The following IQSEC1 variants were observed in gnomAD, a reference collection of about 807,000 sequenced individuals.
IQSEC1 encodes the protein IQ motif and Sec7 domain ArfGEF 1.
A neutral mutation model predicts 91.0 loss-of-function variants in IQSEC1; 31 were observed. The observed-to-expected ratio is 0.34, with a 90% CI of 0.26 to 0.46. The LOEUF (loss-of-function observed/expected upper bound fraction) is 0.46. IQSEC1 is among the 20% of genes least tolerant of loss of function. The probability of loss-of-function intolerance (pLI) is 1.00; values close to 1 mark genes in which losing one functional copy is unlikely to be tolerated. For synonymous variants in IQSEC1, 699 were observed against 662.6 expected (o/e 1.05, Z -0.84); for missense variants, 1,388 against 1,575.6 (o/e 0.88, Z 2.02).
rs1347501569 is a variant in IQSEC1 at position 12,967,919 on chromosome 3, G to C, written c.24-26054C>G. Reference sequence around the variant, plus strand: ...GGGGGTCAGGGGCGGGGCGTCAGGGGCGGGGCTACGCGCAGGGGCGGGGCC... The same window carrying C: ...GGGGGTCAGGGGCGGGGCGTCAGGGCCGGGGCTACGCGCAGGGGCGGGGCC... On this transcript the variant is annotated intron_variant, in intron 1 of 13. Transcript: ENST00000613206. The surrounding 1 kb of genome is among the most constrained non-coding windows in gnomAD (Gnocchi z 5.9). Among the ~76,000 whole-genome samples the C allele has an allele frequency of 6.9e-6, 1 of 144,418 alleles. No individual in the cohort carries two copies. The highest frequency in any genetic ancestry group is 2.5e-5 in the African/African-American group (1 of 40,228). The allele number at this position is 144,418 out of a possible 152,430, so 94.7% of individuals were successfully genotyped here. A position where few individuals can be genotyped will look rare whatever the true frequency, so the allele number is the denominator to read the frequency against.
chr3:13,241,717 G>A (rs530983241), intron 1 of IQSEC1, among the ~76,000 whole-genome samples: 4 of 152,384 alleles, frequency 2.6e-5, no homozygotes, highest in Non-Finnish European at 2.9e-5. Context: ...CCGTGTTTCA[G>A]AAACAGGGCT....
chr3:13,086,484 G>C (rs1559252178), intron 2 of IQSEC1, among the ~76,000 whole-genome samples: 1 of 152,168 alleles, frequency 6.6e-6, no homozygotes, highest in Non-Finnish European at 1.5e-5. Flanking sequence ...CTTTTTCCTG[G>C]GAGGGTCAGG....
At chr3:13,205,261 C>G (rs531942787) in intron 1 of IQSEC1, among the ~76,000 whole-genome samples, 24 of 152,170 alleles carry the variant, frequency 1.6e-4, no homozygotes, top group African/African-American at 5.8e-4. Context: ...CCCCCTAAAC[C>G]ACAAGGAACC....
chr3:12,906,185 G>T (rs1216808362), intron 12 of IQSEC1, among the ~76,000 whole-genome samples: 1 of 152,172 alleles, frequency 6.6e-6, no homozygotes, highest in African/African-American at 2.4e-5. Context: ...CTGCTCTCAG[G>T]GTCTCCTGCC....
chr3:13,219,178 C>T (rs921403498), intron 1 of IQSEC1, among the ~76,000 whole-genome samples: 2 of 152,226 alleles, frequency 1.3e-5, no homozygotes, highest in Non-Finnish European at 1.5e-5. Context: ...CCTCCAAAAG[C>T]TCAGTCCATC....
intron 2 of IQSEC1, among the ~76,000 whole-genome samples, chr3:12,937,786 T>C (rs1275728776): frequency 6.6e-6 from 1 of 152,228 alleles, no homozygotes; most frequent in Non-Finnish European, 1.5e-5. Flanking sequence ...CAAGCTCCCT[T>C]GCTCTACAGA....
chr3:13,275,048 C>T (rs1001123417), intron 1 of IQSEC1, among the ~76,000 whole-genome samples: 1 of 152,232 alleles, frequency 6.6e-6, no homozygotes, highest in East Asian at 1.9e-4. Flanking sequence ...TGAATCCCGC[C>T]GCTGCCACTG....
chr3:13,054,081 T>C (rs1280864998), intron 1 of IQSEC1, among the ~76,000 whole-genome samples: 1 of 152,218 alleles, frequency 6.6e-6, no homozygotes, highest in Non-Finnish European at 1.5e-5. Context: ...CCTCGCCCCA[T>C]GGAAAGCTGG....
intron 1 of IQSEC1, among the ~76,000 whole-genome samples, chr3:12,974,337 C>T (rs1470674871): frequency 6.6e-6 from 1 of 152,212 alleles, no homozygotes; most frequent in Non-Finnish European, 1.5e-5. Context: ...ACCCCTGCCA[C>T]ACAGGGAATG....
In IQSEC1 at chr3:12,908,773, G is replaced by A. The variant is rs1005253759; in HGVS notation, c.2579-248C>T. Among the ~76,000 whole-genome samples, 11 of 152,090 alleles carry A rather than the reference G, an allele frequency of 7.2e-5. No homozygotes were observed. The highest frequency in any genetic ancestry group is 2.7e-4 in the African/African-American group (11 of 41,418). ...GGAAGGATAGTCACCTTCCAGGCTC[G>A]GGAGTGGACAGGGAGGCACAGACTT... On this transcript the variant is annotated intron_variant, in intron 11 of 13. Coordinates refer to ENST00000613206, the MANE Select transcript of IQSEC1 (RefSeq NM_001134382.3). This position sits in a 1 kb window ranked among gnomAD's most constrained non-coding sequence, Gnocchi z 4.9.
intron 2 of IQSEC1, among the ~76,000 whole-genome samples, chr3:13,104,748 C>T (rs569317917): frequency 6.6e-5 from 10 of 152,328 alleles, no homozygotes; most frequent in Non-Finnish European, 5.9e-5. Flanking sequence ...CACTAGCGGA[C>T]GCTAACCCAA....
chr3:12,964,986 C>T (rs994111858), intron 1 of IQSEC1, among the ~76,000 whole-genome samples: 4 of 152,136 alleles, frequency 2.6e-5, no homozygotes, highest in African/African-American at 7.2e-5. Context: ...TAAATATTAG[C>T]GCAACCAGTT....
At chr3:12,937,066 G>A (rs1698272129) in intron 2 of IQSEC1, among the ~76,000 whole-genome samples, 1 of 151,968 alleles carries the variant, frequency 6.6e-6, no homozygotes, top group Non-Finnish European at 1.5e-5. Context: ...CCGAGTAGCT[G>A]GGATTACAGA....
At chr3:13,045,547 C>A (rs1576210234) in intron 1 of IQSEC1, among the ~76,000 whole-genome samples, 1 of 152,206 alleles carries the variant, frequency 6.6e-6, no homozygotes, top group Non-Finnish European at 1.5e-5. Context: ...AGTGTGGCTC[C>A]ATCCGATGGA....
intron 2 of IQSEC1, among the ~76,000 whole-genome samples, chr3:13,091,025 C>T (rs888241794): frequency 3.3e-5 from 5 of 152,158 alleles, no homozygotes; most frequent in Non-Finnish European, 7.4e-5. Flanking sequence ...TGGCCTCCTC[C>T]TCACCGCCCA....
chr3:13,052,329 C>A (rs1704720795), intron 1 of IQSEC1, among the ~76,000 whole-genome samples: 1 of 152,244 alleles, frequency 6.6e-6, no homozygotes, highest in African/African-American at 2.4e-5. Flanking sequence ...CGGCTTTCTG[C>A]ACTCAGCCCC....
At chr3:12,925,894 G>T (rs748475357) in intron 3 of IQSEC1, among the ~76,000 whole-genome samples, 2 of 152,242 alleles carry the variant, frequency 1.3e-5, no homozygotes, top group South Asian at 4.1e-4. Context: ...GCCCTGCCCC[G>T]CTGTGGCACT....
chr3:12,966,717 ACAG>A (rs913030321), intron 1 of IQSEC1, among the ~76,000 whole-genome samples: 2 of 151,984 alleles, frequency 1.3e-5, no homozygotes, highest in Non-Finnish European at 2.9e-5. Context: ...TCTGCCACAA[ACAG>A]CAGCCACACA....
At chr3:13,004,528 C>T (rs965046963) in intron 1 of IQSEC1, among the ~76,000 whole-genome samples, 4 of 152,148 alleles carry the variant, frequency 2.6e-5, no homozygotes, top group South Asian at 4.1e-4. Context: ...GCACTCTCCC[C>T]GCCTCCCTCC....
Sources: gnomAD v4.1 joint callset for allele counts (sites outside exome capture counted in the v4.1 genomes callset) on GRCh38, gnomAD v4.1.1 for gene constraint, Gnocchi (gnomAD v3.1) non-coding constraint, MANE v1.5 for transcripts, NCBI Gene and HGNC (gene_info 2026-07-23, HGNC 2026-07-21) for gene names.